Variants in DKK3 observed in about 807,000 individuals in gnomAD.
DKK3 encodes dickkopf-related protein 3.
Under a neutral mutation model 33.2 loss-of-function variants are expected in DKK3, and 22 were observed. The ratio of observed to expected loss-of-function variants is 0.66; its 90% CI spans 0.47 to 0.95. DKK3 has a LOEUF of 0.95. Among genes scored for constraint, DKK3 ranks in the 40% least tolerant of loss-of-function variants. The pLI, the probability that DKK3 is intolerant of heterozygous loss-of-function variation, is 0.00. For missense variants in DKK3, 398 were observed against 458.4 expected (o/e 0.87, Z 1.20); for synonymous variants, 194 against 188.8 (o/e 1.03, Z -0.23).
intron 3 of DKK3, among the ~76,000 whole-genome samples, chr11:11,990,741 A>C (rs960741953): frequency 6.6e-6 from 1 of 152,162 alleles, no homozygotes; most frequent in Non-Finnish European, 1.5e-5. Context: ...GCGTTCCTCC[A>C]ACATATTCTT....
chr11:12,003,404 G>A (rs142193086), intron 1 of DKK3, among the ~76,000 whole-genome samples: 211 of 152,264 alleles, frequency 1.4e-3, no homozygotes, highest in African/African-American at 4.9e-3. Context: ...TTAGACATAT[G>A]TTCTTCTCTG....
At chr11:11,994,183 T>C (rs11022105) in intron 3 of DKK3, among the ~76,000 whole-genome samples, 53,181 of 151,886 alleles carry the variant, frequency 0.35, 9,504 homozygotes, top group Admixed American at 0.42. Context: ...TTCTTTTTTC[T>C]GTAAAGTTGC....
intron 3 of DKK3, among the ~76,000 whole-genome samples, chr11:11,997,859 A>T (rs1238409473): frequency 6.6e-6 from 1 of 152,206 alleles, no homozygotes; most frequent in Non-Finnish European, 1.5e-5. Context: ...TCCAGCCATC[A>T]GACCAAAAGA....
In DKK3 at chr11:11,964,601, C is replaced by CG. The variant is rs751504867; in HGVS notation, c.915dup (p.Asp306ArgfsTer2). The CG allele has an allele frequency of 5.0e-6, 8 of 1,614,060 alleles. No homozygotes were observed. Among genetic ancestry groups the CG allele is most frequent in the Non-Finnish European group, 6.8e-6 (8 of 1,180,048 alleles). On this transcript the variant is annotated frameshift_variant, in exon 7 of 7. Transcript: ENST00000683431. LOFTEE classifies it high-confidence loss of function. Reference sequence around the variant, plus strand: ...ATGAAGCTGCCAACTTCATACTCATCGGGGACCTCTCTGGGCAGCAGGATC... The same window carrying CG: ...ATGAAGCTGCCAACTTCATACTCATCGGGGGACCTCTCTGGGCAGCAGGATC...
chr11:12,004,708 T>G (rs1171624868), intron 1 of DKK3, among the ~76,000 whole-genome samples: 7 of 152,168 alleles, frequency 4.6e-5, no homozygotes. Flanking sequence ...ATATAAGAAT[T>G]AAGGACCATG....
intron 3 of DKK3, among the ~76,000 whole-genome samples, chr11:11,981,250 G>T (rs1489078523): frequency 6.6e-6 from 1 of 152,168 alleles, no homozygotes; most frequent in African/African-American, 2.4e-5. Context: ...ACCATATTGT[G>T]AGGAAGTCCA....
intron 2 of DKK3, among the ~76,000 whole-genome samples, chr11:11,999,277 T>A (rs915894326): frequency 2.6e-5 from 4 of 152,200 alleles, no homozygotes; most frequent in Admixed American, 1.3e-4. Flanking sequence ...GAGAGACTTG[T>A]TCCAATATTC....
At chr11:12,009,068 C>G, upstream of DKK3, 1 of 986,766 alleles carries the variant, frequency 1.0e-6, no homozygotes, top group Non-Finnish European at 1.2e-6. Flanking sequence ...GGTCAGCCCC[C>G]TCCCCTTGGC....
At chr11:11,973,621 T>C in intron 3 of DKK3, among the ~76,000 whole-genome samples, 1 of 152,168 alleles carries the variant, frequency 6.6e-6, no homozygotes, top group East Asian at 1.9e-4. Context: ...GAGGATGGCT[T>C]CTTTGTTGTC....
At chr11:11,999,674 A>G (rs889494511) in intron 2 of DKK3, among the ~76,000 whole-genome samples, 2 of 152,152 alleles carry the variant, frequency 1.3e-5, no homozygotes, top group African/African-American at 4.8e-5. Flanking sequence ...AAAAGAAAAG[A>G]TGCTGGCTCA....
At position 11,964,499 on chromosome 11, in the gene DKK3, C is replaced by A. The variant is rs767657392; in HGVS notation, c.1018G>T (p.Ala340Ser). 27 of 1,613,312 alleles carry A rather than the reference C, an allele frequency of 1.7e-5. No homozygotes were observed. In the South Asian group the frequency reaches 3.0e-4, roughly 18 times the overall value. The change falls in exon 7 of 7, where the codon GCC becomes TCC. Residue 340 changes from alanine to serine, a missense_variant. By Grantham distance (99) the Ala-to-Ser change is moderately conservative (BLOSUM62 1). Coordinates refer to ENST00000683431, the MANE Select transcript of DKK3 (RefSeq NM_001018057.2). ...TCCCCTCCCAGCAGTGCAGCGGCGG[C>A]AGCCGCAGGCTCCCTCAGCGCCATC... Reference protein sequence around the residue: ...EEMALREPAAAAAALLGGEEI With the variant: ...EEMALREPAASAAALLGGEEI
At chr11:11,976,074 C>T (rs1258381941) in intron 3 of DKK3, among the ~76,000 whole-genome samples, 1 of 152,208 alleles carries the variant, frequency 6.6e-6, no homozygotes, top group African/African-American at 2.4e-5. Flanking sequence ...CAGTGCTTAA[C>T]TCACGGCAGG....
In DKK3 at chr11:12,008,503, G is replaced by C. The variant is rs890842655; in HGVS notation, c.80C>G (p.Ala27Gly). The C allele has an allele frequency of 6.3e-7, 1 of 1,593,238 alleles. No individual in the cohort carries two copies. Among genetic ancestry groups the C allele is most frequent in the Admixed American group, 1.7e-5 (1 of 58,696 alleles). ...GCCGGGCTTGACTGGAGCCGAGGTC[G>C]CCGTCGGAGCGGGCGCGGGGGCCGT... is the stretch of plus-strand genomic sequence containing the variant. ...VPTAPAPAPT[A>G]TSAPVKPGPA... The change falls in exon 1 of 7, where the codon GCG becomes GGG. Residue 27 changes from alanine to glycine, a missense_variant. Physicochemically the swap from Ala to Gly is moderately conservative, Grantham distance 60. Transcript: ENST00000683431. The surrounding 1 kb of genome is among the most constrained non-coding windows in gnomAD (Gnocchi z 4.6).
chr11:12,001,553 G>C (rs1049257465), intron 2 of DKK3: 3 of 152,202 alleles, frequency 2.0e-5, no homozygotes, highest in African/African-American at 7.2e-5. Context: ...TGCTCACAAC[G>C]ACCCTGAATA....
chr11:11,986,484 G>A (rs1464618996), intron 3 of DKK3, among the ~76,000 whole-genome samples: 4 of 152,122 alleles, frequency 2.6e-5, no homozygotes, highest in Non-Finnish European at 5.9e-5. Flanking sequence ...AGCCCAAGGA[G>A]CTCTGCCATC....
chr11:12,007,013 A>T (rs555306400), intron 1 of DKK3, among the ~76,000 whole-genome samples: 1 of 152,212 alleles, frequency 6.6e-6, no homozygotes, highest in Admixed American at 6.5e-5. Context: ...CCATGTCATG[A>T]TTGTTTTGCA....
chr11:11,966,763 G>GA (rs201734499), intron 5 of DKK3, among the ~76,000 whole-genome samples, 191 bp downstream of exon 5: 2,048 of 152,032 alleles, frequency 0.013, 52 homozygotes, highest in African/African-American at 0.047. Context: ...ATCAACAGGG[G>GA]AAAAAAAAGA....
intron 4 of DKK3, among the ~76,000 whole-genome samples, chr11:11,967,765 G>A (rs1436401204): frequency 6.6e-6 from 1 of 152,264 alleles, no homozygotes; most frequent in Non-Finnish European, 1.5e-5. Flanking sequence ...TGCCTGTTGG[G>A]TGAAGAGTCT....
intron 2 of DKK3, 68 bp downstream of exon 2, chr11:12,002,224 AACAAAAAC>A (rs1409927867): frequency 6.7e-7 from 1 of 1,487,856 alleles, no homozygotes; most frequent in Non-Finnish European, 9.0e-7. Flanking sequence ...CATATGAAAA[AACAAAAAC>A]AAAAAAACCT....
Sources: allele counts gnomAD v4.1 joint callset (sites outside exome capture counted in the v4.1 genomes callset), GRCh38; gene constraint gnomAD v4.1.1; non-coding constraint Gnocchi (gnomAD v3.1); transcripts MANE v1.5; gene names NCBI Gene and HGNC (gene_info 2026-07-23, HGNC 2026-07-21).